Variants in FHOD3 observed in about 807,000 individuals in gnomAD.
The protein encoded by FHOD3 is FH1/FH2 domain-containing protein 3.
In FHOD3, 90 loss-of-function variants were observed where a neutral mutation model predicts 173.0. The observed-to-expected ratio is 0.52, with a 90% CI of 0.44 to 0.62. The LOEUF (loss-of-function observed/expected upper bound fraction) is 0.62. Among genes scored for constraint, FHOD3 ranks in the 20% least tolerant of loss-of-function variants. FHOD3 has a pLI of 0.00. For synonymous variants in FHOD3, 828 were observed against 823.0 expected, an observed-to-expected ratio of 1.01 and a Z score of -0.10; for missense variants, 1,945 against 2,034.7, an observed-to-expected ratio of 0.96 and a Z score of 0.85.
chr18:36,740,057 C>G (rs1478088847), intron 20 of FHOD3, among the ~76,000 whole-genome samples: 2 of 152,190 alleles, frequency 1.3e-5, no homozygotes, highest in African/African-American at 4.8e-5. Flanking sequence ...GTAGGAGAAT[C>G]ATAAGTATTC....
intron 3 of FHOD3, among the ~76,000 whole-genome samples, chr18:36,496,657 C>T (rs1019946720): frequency 5.3e-5 from 8 of 152,072 alleles, no homozygotes; most frequent in Non-Finnish European, 1.2e-4. Flanking sequence ...GAGTAATATT[C>T]CTTTAAATAA....
At chr18:36,684,302 A>G (rs2038454732) in intron 15 of FHOD3, among the ~76,000 whole-genome samples, 1 of 152,238 alleles carries the variant, frequency 6.6e-6, no homozygotes. Context: ...TAAAATGTAC[A>G]GAATACAATC....
chr18:36,574,147 C>T (rs531442244), intron 5 of FHOD3, among the ~76,000 whole-genome samples: 15 of 152,228 alleles, frequency 9.9e-5, no homozygotes, highest in African/African-American at 1.4e-4. Flanking sequence ...ACACAGTGAG[C>T]GCTAAATACA....
intron 3 of FHOD3, among the ~76,000 whole-genome samples, chr18:36,479,309 G>A (rs2053754583): frequency 6.6e-6 from 1 of 152,162 alleles, no homozygotes; most frequent in African/African-American, 2.4e-5. Flanking sequence ...TTTGTTAAAG[G>A]ACACTGAACC....
At chr18:36,422,455 T>C (rs1008876786) in intron 3 of FHOD3, among the ~76,000 whole-genome samples, 1 of 152,242 alleles carries the variant, frequency 6.6e-6, no homozygotes, top group Non-Finnish European at 1.5e-5. Flanking sequence ...ACGTTGCATA[T>C]ATGACATTTT....
chr18:36,436,848 T>C (rs547479973), intron 3 of FHOD3, among the ~76,000 whole-genome samples: 2 of 152,304 alleles, frequency 1.3e-5, no homozygotes, highest in South Asian at 4.1e-4. Context: ...AAAATTAATG[T>C]TCTGAGCTTG....
intron 13 of FHOD3, 109 bp from the exon 14 acceptor site, chr18:36,657,966 C>T: frequency 1.3e-6 from 1 of 759,772 alleles, no homozygotes; most frequent in Non-Finnish European, 2.2e-6. Flanking sequence ...GTAGCATTTC[C>T]AGACCTGTTT....
At chr18:36,353,625 C>A (rs1213200268) in intron 1 of FHOD3, among the ~76,000 whole-genome samples, 3 of 152,204 alleles carry the variant, frequency 2.0e-5, no homozygotes, top group East Asian at 3.8e-4. Context: ...GTCACTCTTA[C>A]AGCTCAAGAA....
chr18:36,437,665 C>CTTTTTTTTTTTTTTTTTTTTTTT (rs1555704498), intron 3 of FHOD3, among the ~76,000 whole-genome samples: 6 of 69,442 alleles, frequency 8.6e-5, no homozygotes, highest in African/African-American at 2.2e-4. Flanking sequence ...TTCTTTCTTT[C>CTTTTTTTTTTTTTTTTTTTTTTT]TTTTTTTTTT....
At chr18:36,473,181 G>A (rs151028400) in intron 3 of FHOD3, among the ~76,000 whole-genome samples, 3,221 of 152,312 alleles carry the variant, frequency 0.021, 44 homozygotes, top group Non-Finnish European at 0.034. Context: ...TTGGGAGGCC[G>A]AGGCTGGCAG....
chr18:36,432,044 G>A (rs1407064553), intron 3 of FHOD3, among the ~76,000 whole-genome samples: 1 of 152,182 alleles, frequency 6.6e-6, no homozygotes, highest in Non-Finnish European at 1.5e-5. Context: ...GAGCATTTCT[G>A]CTTTTCAGTA....
At chr18:36,735,176 A>G (rs550411944) in intron 20 of FHOD3, among the ~76,000 whole-genome samples, 8 of 152,270 alleles carry the variant, frequency 5.3e-5, no homozygotes, top group Admixed American at 5.2e-4. Context: ...GCTTGGCCCA[A>G]CTTGGCTGCC....
At chr18:36,372,054 G>A (rs1171463506) in intron 2 of FHOD3, among the ~76,000 whole-genome samples, 1 of 152,214 alleles carries the variant, frequency 6.6e-6, no homozygotes, top group East Asian at 1.9e-4. Context: ...AGTGGAACCT[G>A]GGGAGGTCTG....
At chr18:36,617,994 T>C (rs1442306653) in intron 9 of FHOD3, among the ~76,000 whole-genome samples, 1 of 152,138 alleles carries the variant, frequency 6.6e-6, no homozygotes, top group African/African-American at 2.4e-5. Context: ...TTTAAATTTC[T>C]TCTCTTTTAG....
chr18:36,692,807 C>T (rs2039042583), intron 16 of FHOD3, among the ~76,000 whole-genome samples: 1 of 152,122 alleles, frequency 6.6e-6, no homozygotes, highest in South Asian at 2.1e-4. Context: ...TTCTCTCTGC[C>T]ACACCAAGGC....
At chr18:36,663,300 T>A (rs1418062732) in intron 14 of FHOD3, among the ~76,000 whole-genome samples, 1 of 152,252 alleles carries the variant, frequency 6.6e-6, no homozygotes, top group African/African-American at 2.4e-5. Context: ...GTGTGTCAGA[T>A]ACTAACAGGA....
intron 1 of FHOD3, among the ~76,000 whole-genome samples, chr18:36,340,089 G>A (rs1057490176): frequency 1.3e-5 from 2 of 152,060 alleles, no homozygotes; most frequent in Admixed American, 6.5e-5. Flanking sequence ...TTTATACATT[G>A]TAGTATTCTT....
At chr18:36,713,350 A>C (rs1280623164) in intron 18 of FHOD3, among the ~76,000 whole-genome samples, 1 of 152,246 alleles carries the variant, frequency 6.6e-6, no homozygotes, top group Non-Finnish European at 1.5e-5. Flanking sequence ...AACGGTATCA[A>C]AATGGAAGTA....
chr18:36,410,672 C>T (rs1032811507), intron 3 of FHOD3, among the ~76,000 whole-genome samples: 2 of 152,120 alleles, frequency 1.3e-5, no homozygotes, highest in African/African-American at 4.8e-5. Flanking sequence ...TTGTTTTTGT[C>T]TGTCTCGTTG....
Sources: allele counts gnomAD v4.1 joint callset (sites outside exome capture counted in the v4.1 genomes callset), GRCh38; gene constraint gnomAD v4.1.1; transcripts MANE v1.5; gene names NCBI Gene and HGNC (gene_info 2026-07-23, HGNC 2026-07-21).